The following CDH12 variants were observed in gnomAD, a reference collection of about 807,000 sequenced individuals.
The protein encoded by CDH12 is cadherin-12.
In CDH12, 41 loss-of-function variants were observed where a neutral mutation model predicts 74.1. That is an observed-to-expected ratio of 0.55 (90% CI 0.43 to 0.72). CDH12 has a LOEUF of 0.72. Ranked by LOEUF, CDH12 falls within the 30% of genes least tolerant of loss-of-function variation. CDH12 has a pLI of 0.00. For synonymous variants in CDH12, 399 were observed against 355.0 expected (o/e 1.12, Z -1.39); for missense variants, 945 against 977.2 (o/e 0.97, Z 0.44).
intron 1 of CDH12, among the ~76,000 whole-genome samples, chr5:22,729,672 T>C (rs1045614777): frequency 6.6e-6 from 1 of 151,938 alleles, no homozygotes; most frequent in Non-Finnish European, 1.5e-5. Flanking sequence ...TGAATACTTA[T>C]TCTGTCACTA....
intron 6 of CDH12, among the ~76,000 whole-genome samples, chr5:21,865,031 G>T (rs937987965): frequency 1.3e-5 from 2 of 152,140 alleles, no homozygotes; most frequent in African/African-American, 2.4e-5. Flanking sequence ...ATCTTTTTCA[G>T]AACTGATGCA....
chr5:22,822,968 G>T (rs1414271956), intron 1 of CDH12, among the ~76,000 whole-genome samples: 1 of 152,028 alleles, frequency 6.6e-6, no homozygotes, highest in Non-Finnish European at 1.5e-5. Context: ...CAATAGCAAA[G>T]ACTTGGAACC....
At chr5:22,184,130 G>T (rs567165390) in intron 4 of CDH12, among the ~76,000 whole-genome samples, 12 of 151,766 alleles carry the variant, frequency 7.9e-5, no homozygotes, top group African/African-American at 2.9e-4. Context: ...TCTTAACTCG[G>T]TTTTTTTTGT....
chr5:22,812,588 A>T (rs1203998460), intron 1 of CDH12, among the ~76,000 whole-genome samples: 3 of 152,178 alleles, frequency 2.0e-5, no homozygotes, highest in Non-Finnish European at 1.5e-5. Context: ...CAAGGAAAAA[A>T]GTAGGTCTTA....
intron 4 of CDH12, among the ~76,000 whole-genome samples, chr5:22,154,302 T>C (rs538606365): frequency 1.3e-5 from 2 of 151,652 alleles, no homozygotes; most frequent in Admixed American, 1.3e-4. Flanking sequence ...TTACTAACTA[T>C]AGTCACCATG....
At chr5:22,357,869 G>C (rs1740629188) in intron 3 of CDH12, among the ~76,000 whole-genome samples, 1 of 152,082 alleles carries the variant, frequency 6.6e-6, no homozygotes, top group Non-Finnish European at 1.5e-5. Context: ...ACTTTGTCCT[G>C]ATAAAAGTTC....
chr5:21,808,908 G>A (rs988050313), intron 9 of CDH12, among the ~76,000 whole-genome samples: 1 of 152,016 alleles, frequency 6.6e-6, no homozygotes, highest in African/African-American at 2.4e-5. Flanking sequence ...ATGTAGTTAA[G>A]TTTTAAAACG....
intron 5 of CDH12, among the ~76,000 whole-genome samples, chr5:22,040,163 A>T (rs6888414): frequency 0.22 from 32,079 of 148,824 alleles, 3,455 homozygotes; most frequent in South Asian, 0.27. Flanking sequence ...TCAACAAATA[A>T]AGTAAAAAAA....
intron 1 of CDH12, among the ~76,000 whole-genome samples, chr5:22,821,031 C>G (rs547760554): frequency 5.3e-5 from 8 of 152,098 alleles, no homozygotes; most frequent in African/African-American, 1.9e-4. Context: ...AAAAGCTTAT[C>G]CACCATGATC....
intron 4 of CDH12, among the ~76,000 whole-genome samples, chr5:22,177,752 A>G (rs1382876760): frequency 6.6e-6 from 1 of 152,014 alleles, no homozygotes; most frequent in Non-Finnish European, 1.5e-5. Context: ...ATATAGACAC[A>G]CAACTGAGAG....
chr5:21,997,631 G>C (rs1483562400), intron 5 of CDH12, among the ~76,000 whole-genome samples: 2 of 152,058 alleles, frequency 1.3e-5, no homozygotes, highest in African/African-American at 4.8e-5. Flanking sequence ...ATAAATACTA[G>C]AGATGCCATG....
At chr5:22,110,024 AG>A (rs755177706) in intron 4 of CDH12, among the ~76,000 whole-genome samples, 5 of 152,298 alleles carry the variant, frequency 3.3e-5, no homozygotes. Flanking sequence ...TTGGCAGAAA[AG>A]GGACTGGGAA....
intron 5 of CDH12, among the ~76,000 whole-genome samples, chr5:22,063,491 G>A (rs1023024377): frequency 1.2e-4 from 18 of 151,988 alleles, no homozygotes; most frequent in African/African-American, 4.3e-4. Context: ...GCACATTGCT[G>A]ATTGGTTCTA....
In CDH12 at chr5:21,751,483, A is replaced by T. The variant is rs1310273545; in HGVS notation, c.*254T>A. ...TCTCAGTGTGATTGTGAAAAAACAA[A>T]ACAACAAAACAAAGCAAGTACACAT... On this transcript the variant is annotated 3_prime_UTR_variant, in exon 15 of 15. Transcript: ENST00000382254. 1 of 412,296 alleles carries T rather than the reference A, an allele frequency of 2.4e-6. No individual in the cohort carries two copies. The highest frequency in any genetic ancestry group is 4.4e-6 in the Non-Finnish European group (1 of 228,138). The allele number at this position is 412,296 out of a possible 1,614,324, so 25.5% of individuals were successfully genotyped here. A position where few individuals can be genotyped will look rare whatever the true frequency, so the allele number is the denominator to read the frequency against.
At position 22,843,008 on chromosome 5, in the gene CDH12, T is replaced by G. The variant is rs547081836; in HGVS notation, c.-523+10050A>C. Among the ~76,000 whole-genome samples, 13 of 152,246 alleles carry G rather than the reference T, an allele frequency of 8.5e-5. 1 individual carries two copies. In the South Asian group the frequency reaches 2.7e-3, roughly 32 times the overall value. On this transcript the variant is annotated intron_variant, in intron 1 of 14. Coordinates refer to ENST00000382254, the MANE Select transcript of CDH12 (RefSeq NM_004061.5). ...GTGTAAAGTGAATTTGGCTTTACTT[T>G]TTCAAATTGAAATTATCTTATTTTC...
chr5:22,598,250 G>C (rs908727263), intron 1 of CDH12, among the ~76,000 whole-genome samples: 1 of 152,136 alleles, frequency 6.6e-6, no homozygotes, highest in African/African-American at 2.4e-5. Flanking sequence ...TATTGATATG[G>C]TTAGGCTGTG....
chr5:22,104,580 T>A (rs943480149), intron 4 of CDH12, among the ~76,000 whole-genome samples: 1 of 152,194 alleles, frequency 6.6e-6, no homozygotes, highest in African/African-American at 2.4e-5. Context: ...ATAGGATATC[T>A]ACCCCAATCT....
chr5:22,661,881 G>A (rs1319687497), intron 1 of CDH12, among the ~76,000 whole-genome samples: 1 of 152,038 alleles, frequency 6.6e-6, no homozygotes, highest in East Asian at 1.9e-4. Context: ...TAAATTGCTT[G>A]AATGTATACA....
chr5:21,948,677 A>T (rs1176484490), intron 6 of CDH12, among the ~76,000 whole-genome samples: 1 of 152,126 alleles, frequency 6.6e-6, no homozygotes, highest in Non-Finnish European at 1.5e-5. Flanking sequence ...TGGGTTGGAA[A>T]TGTAAAAAAT....
Sources: gnomAD v4.1 joint callset for allele counts (sites outside exome capture counted in the v4.1 genomes callset) on GRCh38, gnomAD v4.1.1 for gene constraint, MANE v1.5 for transcripts, NCBI Gene and HGNC (gene_info 2026-07-23, HGNC 2026-07-21) for gene names.